DOCK3: variants seen among roughly 807,000 people sequenced by gnomAD.
The protein encoded by DOCK3 is dedicator of cytokinesis protein 3.
A neutral mutation model predicts 265.6 loss-of-function variants in DOCK3; 60 were observed. That is an observed-to-expected ratio of 0.23 (90% CI 0.18 to 0.28). The LOEUF (loss-of-function observed/expected upper bound fraction) is 0.28. DOCK3 is among the 10% of genes least tolerant of loss of function. The probability of loss-of-function intolerance (pLI) is 1.00; values close to 1 mark genes in which losing one functional copy is unlikely to be tolerated. For missense variants in DOCK3, 1,981 were observed against 2,594.3 expected, an observed-to-expected ratio of 0.76 and a Z score of 5.14; for synonymous variants, 881 against 938.0, an observed-to-expected ratio of 0.94 and a Z score of 1.11.
chr3:50,973,045 G>GTTTTTTTT (rs1240169729), intron 5 of DOCK3, among the ~76,000 whole-genome samples: 1 of 3,942 alleles, frequency 2.5e-4, no homozygotes, highest in Non-Finnish European at 5.8e-4. Flanking sequence ...CATTCAGTGT[G>GTTTTTTTT]TTTCTTTTTT....
chr3:51,227,401 G>A lies in DOCK3; in HGVS notation c.1496G>A (p.Arg499Gln), dbSNP rs756421617. Residue 499 changes from arginine to glutamine, a missense_variant, in exon 16 of 53, where the codon CGG becomes CAG. Transcript: ENST00000266037. ...EIIKLPIPID[R>Q]FRGSHLRFEF... The stretch of plus-strand genomic sequence containing the variant: ...ATCAAATTGCCTATCCCCATTGACC[G>A]GTTCCGGGGCTCCCACCTGCGCTTT... 5 of 1,613,796 alleles carry A rather than the reference G, an allele frequency of 3.1e-6. No homozygotes were observed. The highest frequency in any genetic ancestry group is 4.2e-6 in the Non-Finnish European group (5 of 1,179,780).
intron 32 of DOCK3, among the ~76,000 whole-genome samples, chr3:51,327,992 CTT>C (rs1374947331): frequency 1.3e-5 from 2 of 152,134 alleles, no homozygotes; most frequent in Non-Finnish European, 2.9e-5. Context: ...CCATCACCAG[CTT>C]CTTTGCCTAA....
intron 9 of DOCK3, among the ~76,000 whole-genome samples, chr3:51,096,880 T>C (rs1040056271): frequency 6.6e-6 from 1 of 152,218 alleles, no homozygotes; most frequent in African/African-American, 2.4e-5. Flanking sequence ...TTGTTAGCTT[T>C]CCAGGTCTGC....
At chr3:50,690,519 C>T (rs758448817) in intron 1 of DOCK3, among the ~76,000 whole-genome samples, 9 of 152,048 alleles carry the variant, frequency 5.9e-5, no homozygotes, top group South Asian at 2.1e-4. Context: ...GGAATTTTTT[C>T]GTCATCCCAT....
intron 3 of DOCK3, among the ~76,000 whole-genome samples, chr3:50,864,050 G>A (rs934855704): frequency 2.6e-5 from 4 of 152,074 alleles, no homozygotes; most frequent in African/African-American, 4.8e-5. Context: ...TTTCTATAAT[G>A]GCTGTGTCAC....
chr3:51,360,815 G>A (rs1481583642), intron 47 of DOCK3, among the ~76,000 whole-genome samples, 183 bp downstream of exon 47: 1 of 152,202 alleles, frequency 6.6e-6, no homozygotes, highest in African/African-American at 2.4e-5. Flanking sequence ...CTGGGTAAGA[G>A]AAGTGTATAC....
At chr3:51,150,675 A>C (rs2085539225) in intron 10 of DOCK3, among the ~76,000 whole-genome samples, 1 of 152,162 alleles carries the variant, frequency 6.6e-6, no homozygotes, top group African/African-American at 2.4e-5. Context: ...CCTGAGTTCT[A>C]ATTTGATTGC....
chr3:50,695,550 T>C (rs1049307277), intron 1 of DOCK3, among the ~76,000 whole-genome samples: 1 of 152,236 alleles, frequency 6.6e-6, no homozygotes, highest in Admixed American at 6.5e-5. Context: ...AATCTGATCC[T>C]AGACCTAGTC....
At position 51,054,012 on chromosome 3, in the gene DOCK3, A is replaced by G. The variant is rs6809667; in HGVS notation, c.316-10436A>G. Reference sequence around the variant, plus strand: ...ACCTTCTTTGTTAATCTAACCTGAGAATTTTCTTTGCTTCTCTCCTAGGTC... The same window carrying G: ...ACCTTCTTTGTTAATCTAACCTGAGGATTTTCTTTGCTTCTCTCCTAGGTC... On this transcript the variant is annotated intron_variant, in intron 5 of 52. Coordinates refer to ENST00000266037, the MANE Select transcript of DOCK3 (RefSeq NM_004947.5). Among the ~76,000 whole-genome samples, 370 of 151,148 alleles carry G rather than the reference A, an allele frequency of 2.4e-3. 3 individuals are homozygous for G. The highest frequency in any genetic ancestry group is 8.7e-3 in the African/African-American group (360 of 41,160).
intron 46 of DOCK3, 131 bp from the exon 47 acceptor site, chr3:51,360,380 C>A: frequency 8.2e-7 from 1 of 1,223,124 alleles, no homozygotes; most frequent in Non-Finnish European, 1.1e-6. Context: ...GTCAGCAGTT[C>A]AGGTTCAGCC....
chr3:50,965,371 G>A (rs558707977), intron 5 of DOCK3, among the ~76,000 whole-genome samples: 51 of 151,194 alleles, frequency 3.4e-4, no homozygotes, highest in Non-Finnish European at 4.9e-4. Flanking sequence ...ATTCACCTTA[G>A]GAAAACGGAA....
chr3:51,191,482 A>G (rs1258650877), intron 12 of DOCK3, among the ~76,000 whole-genome samples: 1 of 152,104 alleles, frequency 6.6e-6, no homozygotes, highest in African/African-American at 2.4e-5. Flanking sequence ...TCCGTAAATC[A>G]GTTCCAGCAC....
At chr3:50,702,571 G>C (rs968007696) in intron 1 of DOCK3, among the ~76,000 whole-genome samples, 1 of 152,004 alleles carries the variant, frequency 6.6e-6, no homozygotes, top group African/African-American at 2.4e-5. Flanking sequence ...GTTTCACCAT[G>C]TTGGTCAGGC....
chr3:51,235,400 A>G (rs932999845), intron 19 of DOCK3, among the ~76,000 whole-genome samples: 2 of 152,250 alleles, frequency 1.3e-5, no homozygotes, highest in African/African-American at 2.4e-5. Context: ...ATCTAGTTTT[A>G]GCATCAATAA....
chr3:51,116,914 A>G (rs971796719), intron 9 of DOCK3, among the ~76,000 whole-genome samples: 1 of 152,206 alleles, frequency 6.6e-6, no homozygotes, highest in Admixed American at 6.5e-5. Context: ...GCAAACAGAG[A>G]CAATTTGACT....
intron 10 of DOCK3, among the ~76,000 whole-genome samples, chr3:51,148,980 G>A (rs537842590): frequency 6.6e-6 from 1 of 152,198 alleles, no homozygotes; most frequent in African/African-American, 2.4e-5. Flanking sequence ...CATGAGCATG[G>A]AATATTCTTC....
intron 25 of DOCK3, 75 bp downstream of exon 25, chr3:51,275,281 A>G: frequency 6.3e-7 from 1 of 1,594,236 alleles, no homozygotes; most frequent in South Asian, 1.1e-5. Context: ...AGGCAGACCA[A>G]CAAAGATCGC....
chr3:51,301,787 T>G (rs1303726798), intron 27 of DOCK3, among the ~76,000 whole-genome samples: 1 of 152,208 alleles, frequency 6.6e-6, no homozygotes, highest in Non-Finnish European at 1.5e-5. Flanking sequence ...AGCACTGTGT[T>G]CTGAGATCCT....
At chr3:50,906,007 T>C (rs1459359607) in intron 4 of DOCK3, among the ~76,000 whole-genome samples, 1 of 152,084 alleles carries the variant, frequency 6.6e-6, no homozygotes, top group Non-Finnish European at 1.5e-5. Context: ...CTTTTCTGCA[T>C]CTATTGAGAT....
Sources: gnomAD v4.1 joint callset for allele counts (sites outside exome capture counted in the v4.1 genomes callset) on GRCh38, gnomAD v4.1.1 for gene constraint, MANE v1.5 for transcripts, NCBI Gene and HGNC (gene_info 2026-07-23, HGNC 2026-07-21) for gene names.